Variants in PPM1L observed in about 807,000 individuals in gnomAD.
PPM1L encodes protein phosphatase, Mg2+/Mn2+ dependent 1L, also known as protein phosphatase 1L.
Under a neutral mutation model 31.4 loss-of-function variants are expected in PPM1L, and 13 were observed. The ratio of observed to expected loss-of-function variants is 0.41; its 90% confidence interval spans 0.27 to 0.66. PPM1L has a LOEUF of 0.66. Ranked by LOEUF, PPM1L falls within the 30% of genes least tolerant of loss-of-function variation. The pLI is 0.29. For missense variants in PPM1L, 326 were observed against 453.7 expected, an observed-to-expected ratio of 0.72 and a Z score of 2.56; for synonymous variants, 184 against 175.4, an observed-to-expected ratio of 1.05 and a Z score of -0.39.
intron 1 of PPM1L, among the ~76,000 whole-genome samples, chr3:160,832,921 G>A (rs942679415): frequency 1.3e-5 from 2 of 151,684 alleles, no homozygotes; most frequent in African/African-American, 2.4e-5. Context: ...TCCCTCCCTC[G>A]ACCCCACCCC....
At chr3:160,969,083 C>T (rs1716242165) in intron 2 of PPM1L, among the ~76,000 whole-genome samples, 1 of 152,164 alleles carries the variant, frequency 6.6e-6, no homozygotes. Flanking sequence ...TGGGAGCCTG[C>T]ATATTCATTT....
intron 1 of PPM1L, among the ~76,000 whole-genome samples, chr3:160,895,706 A>T (rs1373019485): frequency 6.6e-6 from 1 of 152,176 alleles, no homozygotes; most frequent in East Asian, 1.9e-4. Context: ...TTTAATAGGG[A>T]CATCAAGAGT....
intron 1 of PPM1L, among the ~76,000 whole-genome samples, chr3:160,849,419 C>CTTTCTTTCTTTCTTTTT (rs1553812477): frequency 7.0e-6 from 1 of 143,390 alleles, no homozygotes; most frequent in African/African-American, 2.6e-5. Context: ...TTCTTTCTTT[C>CTTTCTTTCTTTCTTTTT]TTTTTTTTTT....
chr3:160,967,334 T>G (rs1716185100), intron 2 of PPM1L, among the ~76,000 whole-genome samples: 1 of 152,104 alleles, frequency 6.6e-6, no homozygotes, highest in South Asian at 2.1e-4. Flanking sequence ...ACACCCTGCT[T>G]TAACAAAATA....
At chr3:160,924,875 A>C (rs1192623500) in intron 1 of PPM1L, among the ~76,000 whole-genome samples, 5 of 152,234 alleles carry the variant, frequency 3.3e-5, no homozygotes, top group African/African-American at 1.2e-4. Flanking sequence ...TAATGATAGG[A>C]AACAATTCGC....
At chr3:161,033,279 A>G (rs1460750182) in intron 2 of PPM1L, among the ~76,000 whole-genome samples, 1 of 152,190 alleles carries the variant, frequency 6.6e-6, no homozygotes, top group Non-Finnish European at 1.5e-5. Context: ...AGTAATTTAT[A>G]GATTCAATGC....
intron 2 of PPM1L, among the ~76,000 whole-genome samples, chr3:160,964,942 G>T (rs1048269618): frequency 6.6e-6 from 1 of 151,966 alleles, no homozygotes; most frequent in Non-Finnish European, 1.5e-5. Context: ...TAATACAAAA[G>T]AATTAGGATA....
At position 160,756,491 on chromosome 3, in the gene PPM1L, C is replaced by T. The variant is rs2108051633; in HGVS notation, c.183C>T (p.Gly61=). ...SSRDAVKMVK[G]KVAEIMQNDR... is the part of the protein sequence containing the mutation. ...GGGACGCCGTGAAGATGGTGAAGGG[C>T]AAGGTAGCCGAGATCATGCAGAACG... Residue 61 remains glycine (G), a synonymous_variant, in exon 1 of 4, where the codon GGC becomes GGT. Transcript: ENST00000498165. This position sits in a 1 kb window ranked among gnomAD's most constrained non-coding sequence, Gnocchi z 6.2. The T allele has an allele frequency of 1.9e-6, 3 of 1,614,132 alleles. No homozygotes were observed. The highest frequency in any genetic ancestry group is 2.2e-5 in the South Asian group (2 of 91,082).
chr3:160,840,948 C>A (rs1411960789), intron 1 of PPM1L, among the ~76,000 whole-genome samples: 1 of 152,184 alleles, frequency 6.6e-6, no homozygotes, highest in Non-Finnish European at 1.5e-5. Flanking sequence ...AATGTCAAAT[C>A]TCTTCTGGAA....
At chr3:161,028,196 C>T (rs564334492) in intron 2 of PPM1L, among the ~76,000 whole-genome samples, 1 of 152,228 alleles carries the variant, frequency 6.6e-6, no homozygotes, top group African/African-American at 2.4e-5. Context: ...TTGTGGACTC[C>T]CAAGTCCCTG....
chr3:161,065,294 C>T (rs1023278584), intron 2 of PPM1L, 109 bp from the exon 3 acceptor site: 22 of 1,065,152 alleles, frequency 2.1e-5, no homozygotes, highest in Non-Finnish European at 2.8e-5. Flanking sequence ...GTCAAATTCT[C>T]ACCCAGCAGA....
At chr3:160,840,388 G>A (rs1713836548) in intron 1 of PPM1L, among the ~76,000 whole-genome samples, 1 of 152,148 alleles carries the variant, frequency 6.6e-6, no homozygotes, top group Admixed American at 6.5e-5. Context: ...ATCTGTATTA[G>A]TGAGAGTTCT....
At chr3:161,060,529 G>C (rs1165691604) in intron 2 of PPM1L, among the ~76,000 whole-genome samples, 1 of 152,138 alleles carries the variant, frequency 6.6e-6, no homozygotes, top group Non-Finnish European at 1.5e-5. Context: ...AGATATTTTA[G>C]AGGTAAGAGT....
chr3:160,866,778 C>T (rs1712103279), intron 1 of PPM1L, among the ~76,000 whole-genome samples: 1 of 152,174 alleles, frequency 6.6e-6, no homozygotes, highest in African/African-American at 2.4e-5. Flanking sequence ...CTGATTACCT[C>T]TCTTTGTAAT....
At chr3:160,923,950 T>G (rs1714503703) in intron 1 of PPM1L, among the ~76,000 whole-genome samples, 1 of 152,222 alleles carries the variant, frequency 6.6e-6, no homozygotes. Flanking sequence ...GTCTATTATC[T>G]GCTATTTTTA....
Position 160,756,835 on chromosome 3 carries a change from G to A in PPM1L, c.399+128G>A. 9.3e-7 allele frequency: 1 copy of A among 1,076,704 alleles called. No homozygotes were observed. The highest frequency in any genetic ancestry group is 1.6e-5 in the South Asian group (1 of 61,244). The allele number at this position is 1,076,704 out of a possible 1,614,324, so 66.7% of individuals were successfully genotyped here. On this transcript the variant is annotated intron_variant, in intron 1 of 3. Transcript: ENST00000498165. The surrounding 1 kb of genome is among the most constrained non-coding windows in gnomAD (Gnocchi z 6.2). ...GTGCGCAGCGGGAGAGGATCTGGGT[G>A]CGAGGGGCGTGGTGATGACACCACG...
intron 1 of PPM1L, among the ~76,000 whole-genome samples, chr3:160,910,666 C>T (rs1278550842): frequency 1.3e-5 from 2 of 152,054 alleles, no homozygotes; most frequent in African/African-American, 4.8e-5. Flanking sequence ...TTTTCTTTTC[C>T]ATTTTAAACC....
intron 2 of PPM1L, among the ~76,000 whole-genome samples, chr3:160,980,698 A>AAT (rs1302673609): frequency 1.5e-5 from 1 of 66,062 alleles, no homozygotes; most frequent in African/African-American, 7.6e-5. Context: ...GAAAGAGAGA[A>AAT]AGAGAGAGAA....
intron 1 of PPM1L, among the ~76,000 whole-genome samples, chr3:160,904,260 G>T (rs1713665273): frequency 6.6e-6 from 1 of 152,066 alleles, no homozygotes; most frequent in African/African-American, 2.4e-5. Context: ...TTTAATTATG[G>T]TTCATCCATA....
Sources: gnomAD v4.1 joint callset for allele counts (sites outside exome capture counted in the v4.1 genomes callset) on GRCh38, gnomAD v4.1.1 for gene constraint, Gnocchi (gnomAD v3.1) non-coding constraint, MANE v1.5 for transcripts, NCBI Gene and HGNC (gene_info 2026-07-23, HGNC 2026-07-21) for gene names.